Variants in ELP2 observed in about 807,000 individuals in gnomAD.
The protein encoded by ELP2 is elongator complex protein 2.
A neutral mutation model predicts 119.2 loss-of-function variants in ELP2; 90 were observed. The ratio of observed to expected loss-of-function variants is 0.75; its 90% CI spans 0.64 to 0.90. ELP2 has a LOEUF of 0.90. Ranked by LOEUF, ELP2 falls within the 40% of genes least tolerant of loss-of-function variation. ELP2 has a pLI of 0.00. For missense variants in ELP2, 921 were observed against 967.8 expected (o/e 0.95, Z 0.64); for synonymous variants, 339 against 331.0 (o/e 1.02, Z -0.26).
At chr18:36,138,184 C>T in intron 3 of ELP2, 86 bp from the exon 4 acceptor site, 1 of 1,432,120 alleles carries the variant, frequency 7.0e-7, no homozygotes, top group Non-Finnish European at 9.7e-7. Flanking sequence ...TCTGGCTCAG[C>T]CATTTTATTG....
chr18:36,135,598 T>C (rs1237277898), intron 2 of ELP2, among the ~76,000 whole-genome samples: 3 of 152,226 alleles, frequency 2.0e-5, no homozygotes, highest in Admixed American at 6.5e-5. Flanking sequence ...ACTTTTTCTT[T>C]TGTTATCACT....
At chr18:36,147,222 C>T (rs1715682850) in intron 11 of ELP2, among the ~76,000 whole-genome samples, 1 of 151,316 alleles carries the variant, frequency 6.6e-6, no homozygotes, top group Non-Finnish European at 1.5e-5. Flanking sequence ...TACAGGTGCA[C>T]CTCACCACAC....
At chr18:36,136,493 T>G in intron 3 of ELP2, 116 bp downstream of exon 3, 1 of 824,166 alleles carries the variant, frequency 1.2e-6, no homozygotes, top group Non-Finnish European at 2.1e-6. Context: ...GTGGCTCACC[T>G]CAGCCTCCTA....
intron 18 of ELP2, 70 bp downstream of exon 18, chr18:36,164,737 T>G (rs1325693232): frequency 6.9e-7 from 1 of 1,457,712 alleles, no homozygotes. Context: ...ATTAAGCAGC[T>G]TTAGTTAAGA....
At position 36,175,360 on chromosome 18, in the gene ELP2, G is replaced by A. The variant is rs779014736; in HGVS notation, c.*719G>A. 1 of 152,140 alleles carries A rather than the reference G, an allele frequency of 6.6e-6. No homozygotes were observed. The highest frequency in any genetic ancestry group is 1.5e-5 in the Non-Finnish European group (1 of 68,032). The allele number at this position is 152,140 out of a possible 1,614,324, so 9.4% of individuals were successfully genotyped here. A position where few individuals can be genotyped will look rare whatever the true frequency, so the allele number is the denominator to read the frequency against. ...ACATTTTCTATAGATAGCATACCAC[G>A]CCAAGTGTGCTCTGTCTTGATCCCC... On this transcript the variant is annotated 3_prime_UTR_variant, in exon 22 of 22. Transcript: ENST00000358232.
chr18:36,138,815 A>C lies in ELP2; in HGVS notation c.466A>C (p.Asn156His), dbSNP rs748831020. The C allele has an allele frequency of 5.6e-6, 9 of 1,613,820 alleles. No homozygotes were observed. The African/African-American group carries it at 1.1e-4, about 19-fold the overall frequency. ...CTTAGTAATGTGCCTTCAGACTTTA[A>C]ACTTTGGAAATGGATTTGCTTTGGC... ...GPEVMCLQTLNFGNGFALALC... is the reference protein window; with the variant it reads ...GPEVMCLQTLHFGNGFALALC... Residue 156 changes from asparagine to histidine, a missense_variant, in exon 5 of 22, where the codon AAC becomes CAC. Transcript: ENST00000358232.
intron 11 of ELP2, 124 bp from the exon 12 acceptor site, chr18:36,154,726 C>A: frequency 2.4e-5 from 24 of 1,001,224 alleles, no homozygotes; most frequent in Non-Finnish European, 3.6e-5. Context: ...GTGATCCGAT[C>A]TTGTATACTT....
chr18:36,167,694 A>ATT (rs34728779), intron 19 of ELP2, among the ~76,000 whole-genome samples: 286 of 145,960 alleles, frequency 2.0e-3, no homozygotes, highest in South Asian at 5.5e-3. Context: ...GTAGCTAGGA[A>ATT]TTTTTTTTTT....
intron 5 of ELP2, chr18:36,139,685 T>G (rs898734046): frequency 2.4e-5 from 33 of 1,347,458 alleles, no homozygotes; most frequent in Non-Finnish European, 2.9e-5. Context: ...AGAAAATCTT[T>G]GAAAAACACA....
intron 11 of ELP2, among the ~76,000 whole-genome samples, chr18:36,150,704 A>G (rs2144685857): frequency 6.6e-6 from 1 of 152,258 alleles, no homozygotes; most frequent in South Asian, 2.1e-4. Flanking sequence ...GCTGGTTCCC[A>G]TTTAGCATAT....
chr18:36,168,355 A>G (rs1190440029), intron 19 of ELP2, among the ~76,000 whole-genome samples: 1 of 152,142 alleles, frequency 6.6e-6, no homozygotes, highest in Non-Finnish European at 1.5e-5. Flanking sequence ...CCACAGTCAT[A>G]CTGTATTAAT....
Position 36,170,170 on chromosome 18 carries a change from C to T in ELP2, c.2184C>T (p.Val728=), listed in dbSNP as rs375343630. 1.8e-4 allele frequency: 286 copies of T among 1,614,044 alleles called. No homozygotes were observed. The highest frequency in any genetic ancestry group is 2.3e-4 in the Non-Finnish European group (269 of 1,180,022). ...GTGGGGCTGTGACAGCTGTCAGCGT[C>T]TGCCCAGTGCTCCACCCTTCTCAAC... ...DVGGAVTAVS[V]CPVLHPSQRY... The change falls in exon 20 of 22, where the codon GTC becomes GTT. Residue 728 remains valine, a synonymous_variant. Transcript: ENST00000358232.
chr18:36,170,006 C>T, intron 19 of ELP2, 57 bp from the exon 20 acceptor site: 2 of 1,611,256 alleles, frequency 1.2e-6, no homozygotes, highest in East Asian at 2.2e-5. Flanking sequence ...AACTGTAGTA[C>T]ATGGCTAGAA....
chr18:36,166,319 GTTTTTTTTTT>G (rs60477950), intron 18 of ELP2, among the ~76,000 whole-genome samples: 57 of 71,688 alleles, frequency 8.0e-4, no homozygotes, highest in African/African-American at 3.0e-3. Flanking sequence ...GTTTTTTAGG[GTTTTTTTTTT>G]TTTTTTTTTT....
chr18:36,164,803 T>A (rs681757), intron 18 of ELP2, 136 bp downstream of exon 18: 7 of 827,710 alleles, frequency 8.5e-6, no homozygotes, highest in Non-Finnish European at 1.4e-5. Flanking sequence ...TTCAAAGTTC[T>A]TGGATAACTG....
intron 16 of ELP2, 26 bp from the exon 17 acceptor site, chr18:36,160,906 G>A (rs1263248641): frequency 2.0e-6 from 3 of 1,493,206 alleles, no homozygotes; most frequent in South Asian, 1.1e-5. Context: ...TTTGCTAATA[G>A]TACTTTTTTT....
chr18:36,156,336 G>C, intron 12 of ELP2, 130 bp from the exon 13 acceptor site: 1 of 896,918 alleles, frequency 1.1e-6, no homozygotes, highest in African/African-American at 1.7e-5. Context: ...CCCAGTTGTG[G>C]TTTATTCATG....
intron 21 of ELP2, 39 bp from the exon 22 acceptor site, chr18:36,174,446 T>G: frequency 1.3e-6 from 2 of 1,599,340 alleles, no homozygotes; most frequent in South Asian, 2.2e-5. Context: ...ACACCATTAA[T>G]TGGAAAAACA....
chr18:36,135,852 G>A (rs557510610), intron 2 of ELP2, among the ~76,000 whole-genome samples: 1 of 152,244 alleles, frequency 6.6e-6, no homozygotes, highest in African/African-American at 2.4e-5. Context: ...TACATTAAAG[G>A]AGACTAAAAA....
Sources: allele counts gnomAD v4.1 joint callset (sites outside exome capture counted in the v4.1 genomes callset), GRCh38; gene constraint gnomAD v4.1.1; transcripts MANE v1.5; gene names NCBI Gene and HGNC (gene_info 2026-07-23, HGNC 2026-07-21).